ZNF180: variants seen among roughly 807,000 people sequenced by gnomAD.
ZNF180 encodes the protein zinc finger protein 180 (HHZ168).
ZNF180 carries 11 observed loss-of-function variants against 11.8 expected under a neutral mutation model. The observed-to-expected ratio is 0.93, with a 90% CI of 0.59 to 1.55. ZNF180 has a LOEUF of 1.55. Ranked by LOEUF, ZNF180 falls within the 40% of genes most tolerant of loss-of-function variation. ZNF180 has a pLI of 0.00. For synonymous variants in ZNF180, 287 were observed against 257.7 expected (o/e 1.11, Z -1.09); for missense variants, 773 against 781.7 (o/e 0.99, Z 0.13).
chr19:44,492,453 A>G (rs549629590), intron 2 of ZNF180, among the ~76,000 whole-genome samples: 2 of 152,298 alleles, frequency 1.3e-5, no homozygotes, highest in East Asian at 3.9e-4. Context: ...GACTTTACGA[A>G]ATGGGAACAG....
rs959114952 is a variant in ZNF180 at position 44,477,313 on chromosome 19, A to G, written c.1087T>C (p.Phe363Leu). 3.7e-6 allele frequency: 6 copies of G among 1,612,344 alleles called. No individual in the cohort carries two copies. Among genetic ancestry groups the G allele is most frequent in the Non-Finnish European group, 5.1e-6 (6 of 1,178,732 alleles). The change falls in exon 5 of 5, where the codon TTC becomes CTC. Residue 363 changes from phenylalanine to leucine, a missense_variant. Transcript: ENST00000592529. The part of the protein sequence containing the change: ...PYECSECGKS[F>L]SRSSHLVSHQ... ...GAAACAAGGTGCGAGCTCCGGCTGA[A>G]GGATTTTCCACATTCACTACATTCA...
intron 2 of ZNF180, among the ~76,000 whole-genome samples, chr19:44,489,266 T>G (rs1313515410): frequency 2.9e-5 from 4 of 137,876 alleles, no homozygotes; most frequent in Non-Finnish European, 4.8e-5. Flanking sequence ...GAACGGGCCA[T>G]GATGACAATG....
chr19:44,476,376 G>C lies in ZNF180; in HGVS notation c.*26C>G. The C allele has an allele frequency of 6.6e-7, 1 of 1,522,158 alleles. No homozygotes were observed. The highest frequency in any genetic ancestry group is 8.8e-7 in the Non-Finnish European group (1 of 1,138,026). The allele number at this position is 1,522,158 out of a possible 1,614,324, so 94.3% of individuals were successfully genotyped here. ...ATTTTTTAAAAGAATGAAATAAAAAGGAAGAAATCCCAGCTGATTTACAAA... is the reference window on the plus strand; with the variant it reads ...ATTTTTTAAAAGAATGAAATAAAAACGAAGAAATCCCAGCTGATTTACAAA... On this transcript the variant is annotated 3_prime_UTR_variant, in exon 5 of 5. Coordinates refer to ENST00000592529, the MANE Select transcript of ZNF180 (RefSeq NM_001278509.3).
chr19:44,477,034 G>A lies in ZNF180; in HGVS notation c.1366C>T (p.His456Tyr), dbSNP rs1376896275. The change falls in exon 5 of 5, where the codon CAT becomes TAT. Residue 456 changes from histidine to tyrosine, a missense_variant. Physicochemically the swap from His to Tyr is moderately conservative, Grantham distance 83. Transcript: ENST00000592529. ...SFIQSYKLIA[H>Y]QRIHTGEKPY... Reference sequence around the variant, plus strand: ...TTTTCCCCAGTATGAATTCTTTGATGTGCAATAAGTTTATAGCTCTGGATA... The same window carrying A: ...TTTTCCCCAGTATGAATTCTTTGATATGCAATAAGTTTATAGCTCTGGATA... The A allele has an allele frequency of 1.2e-6, 2 of 1,613,860 alleles. No homozygotes were observed. Among genetic ancestry groups the A allele is most frequent in the East Asian group, 2.2e-5 (1 of 44,830 alleles).
rs2123425199 is a variant in ZNF180 at position 44,476,392 on chromosome 19, G to A, written c.*10C>T. ...AAATAAAAAGGAAGAAATCCCAGCT[G>A]ATTTACAAACTAGTTACATTCATAG... On this transcript the variant is annotated 3_prime_UTR_variant, in exon 5 of 5. Transcript: ENST00000592529. The A allele has an allele frequency of 3.9e-6, 6 of 1,540,290 alleles. No homozygotes were observed. Among genetic ancestry groups the A allele is most frequent in the Non-Finnish European group, 5.2e-6 (6 of 1,146,494 alleles).
At position 44,495,171 on chromosome 19, in the gene ZNF180, C is replaced by CACTT. The variant is rs1280830405; in HGVS notation, c.51+2109_51+2112dup. On this transcript the variant is annotated intron_variant, in intron 2 of 4. Coordinates refer to ENST00000592529, the MANE Select transcript of ZNF180 (RefSeq NM_001278509.3). This position sits in a 1 kb window ranked among gnomAD's most constrained non-coding sequence, Gnocchi z 4.5. ...GCCTGGCTCCAGTCCCTTATATATACACTTACTTATCTGATCTAGCCCCCT... is the reference window on the plus strand; with the variant it reads ...GCCTGGCTCCAGTCCCTTATATATACACTTACTTACTTATCTGATCTAGCCCCCT... Among the ~76,000 whole-genome samples the CACTT allele has an allele frequency of 1.3e-5, 2 of 152,136 alleles. No homozygotes were observed. Among genetic ancestry groups the CACTT allele is most frequent in the African/African-American group, 4.8e-5 (2 of 41,398 alleles).
rs757723110 is a variant in ZNF180 at position 44,476,607 on chromosome 19, C to A, written c.1793G>T (p.Arg598Ile). 2.5e-6 allele frequency: 4 copies of A among 1,614,012 alleles called. No individual in the cohort carries two copies. The highest frequency in any genetic ancestry group is 1.3e-5 in the African/African-American group (1 of 74,916). ...AAATGGTTTCTCTCCAGTATGAGTT[C>A]TCTGATGTTGAGTAAGGCATGAACT... ...RQSSCLTQHQ[R>I]THTGEKPFEC... Residue 598 changes from arginine to isoleucine, a missense_variant, in exon 5 of 5, where the codon AGA (arginine) becomes ATA (isoleucine). Arg to Ile is a moderately conservative substitution (Grantham distance 97, BLOSUM62 -3). Coordinates refer to ENST00000592529, the MANE Select transcript of ZNF180 (RefSeq NM_001278509.3).
intron 3 of ZNF180, among the ~76,000 whole-genome samples, chr19:44,480,982 T>C (rs1384699068): frequency 2.0e-5 from 3 of 152,218 alleles, no homozygotes; most frequent in Admixed American, 2.0e-4. Context: ...AACAGTTCTG[T>C]TTCTATCCAT....
intron 3 of ZNF180, among the ~76,000 whole-genome samples, chr19:44,481,386 C>T (rs943417393): frequency 2.0e-5 from 3 of 152,162 alleles, no homozygotes; most frequent in Non-Finnish European, 2.9e-5. Flanking sequence ...AAAAATAACT[C>T]GCCAACTGCT....
At chr19:44,481,531 TACTAA>T (rs973303685) in intron 3 of ZNF180, among the ~76,000 whole-genome samples, 18 of 152,272 alleles carry the variant, frequency 1.2e-4, no homozygotes, top group African/African-American at 4.3e-4. Flanking sequence ...AAACAGATAA[TACTAA>T]ACTAGATTAG....
At chr19:44,478,769 A>G (rs1305684605) in intron 4 of ZNF180, among the ~76,000 whole-genome samples, 2 of 152,204 alleles carry the variant, frequency 1.3e-5, no homozygotes, top group African/African-American at 4.8e-5. Flanking sequence ...AGCAATAGAG[A>G]GTATATATGG....
At chr19:44,492,451 G>A (rs1229213553) in intron 2 of ZNF180, among the ~76,000 whole-genome samples, 2 of 152,132 alleles carry the variant, frequency 1.3e-5, no homozygotes, top group East Asian at 3.8e-4. Context: ...CAGACTTTAC[G>A]AAATGGGAAC....
rs1432642522 is a variant in ZNF180, at chr19:44,500,483, G to C, written c.-252C>G. The C allele has an allele frequency of 1.8e-6, 1 of 551,216 alleles. No individual in the cohort carries two copies. Among genetic ancestry groups the C allele is most frequent in the Non-Finnish European group, 3.2e-6 (1 of 310,740 alleles). 34.1% of individuals were successfully genotyped at this position (551,216 alleles called of 1,614,324 possible). The stretch of plus-strand genomic sequence containing the variant: ...AGTCTGAAGGGCCGAGCTGCTCGGC[G>C]ACAGCAAGCGTCCGCGCGCGGGACA... On this transcript the variant is annotated 5_prime_UTR_variant, in exon 1 of 5. Coordinates refer to ENST00000592529, the MANE Select transcript of ZNF180 (RefSeq NM_001278509.3).
intron 2 of ZNF180, among the ~76,000 whole-genome samples, chr19:44,485,963 AT>A (rs1465680131): frequency 4.3e-4 from 66 of 152,352 alleles, no homozygotes; most frequent in Non-Finnish European, 5.1e-4. Flanking sequence ...TCCTTAGGAA[AT>A]AACATAAAGT....
At chr19:44,485,949 C>T (rs1970217623) in intron 2 of ZNF180, among the ~76,000 whole-genome samples, 1 of 152,022 alleles carries the variant, frequency 6.6e-6, no homozygotes, top group African/African-American at 2.4e-5. Flanking sequence ...CTTGTAAGTA[C>T]TTATCCTTAG....
chr19:44,486,019 A>G (rs1408496587), intron 2 of ZNF180, among the ~76,000 whole-genome samples: 1 of 152,260 alleles, frequency 6.6e-6, no homozygotes, highest in Non-Finnish European at 1.5e-5. Context: ...AAGTTACATT[A>G]TCATAGCAAG....
intron 2 of ZNF180, among the ~76,000 whole-genome samples, chr19:44,486,675 G>A (rs1970236695): frequency 1.3e-5 from 2 of 152,142 alleles, no homozygotes. Flanking sequence ...AGGCTGAGGT[G>A]GAAGGATCAC....
chr19:44,479,508 A>G, intron 3 of ZNF180, 99 bp from the exon 4 acceptor site: 1 of 1,510,486 alleles, frequency 6.6e-7, no homozygotes, highest in Non-Finnish European at 8.9e-7. Flanking sequence ...AAAATTGGTG[A>G]CCTGGGAGTT....
rs761530759 is a variant in ZNF180, at chr19:44,477,760, CATT to C, written c.637_639del (p.Asn213del). 5.0e-6 allele frequency: 8 copies of C among 1,613,778 alleles called. No homozygotes were observed. Among genetic ancestry groups the C allele is most frequent in the Admixed American group, 1.7e-5 (1 of 59,992 alleles). On this transcript the variant is annotated inframe_deletion, in exon 5 of 5. Coordinates refer to ENST00000592529, the MANE Select transcript of ZNF180 (RefSeq NM_001278509.3). ...TTATTTTCATATAGTGTCTCATTCT[CATT>C]AATCTTCTGATGACTGTTTACAGCA...
Sources: gnomAD v4.1 joint callset for allele counts (sites outside exome capture counted in the v4.1 genomes callset) on GRCh38, gnomAD v4.1.1 for gene constraint, Gnocchi (gnomAD v3.1) non-coding constraint, MANE v1.5 for transcripts, NCBI Gene and HGNC (gene_info 2026-07-23, HGNC 2026-07-21) for gene names.